Variants in DCBLD2 observed in about 807,000 individuals in gnomAD.
The protein encoded by DCBLD2 is discoidin, CUB and LCCL domain containing 2.
A neutral mutation model predicts 86.8 loss-of-function variants in DCBLD2; 54 were observed. The ratio of observed to expected loss-of-function variants is 0.62; its 90% CI spans 0.50 to 0.78. DCBLD2 has a LOEUF of 0.78. Ranked by LOEUF, DCBLD2 falls within the 30% of genes least tolerant of loss-of-function variation. DCBLD2 has a pLI of 0.00. For synonymous variants in DCBLD2, 354 were observed against 341.3 expected (o/e 1.04, Z -0.41); for missense variants, 908 against 954.2 (o/e 0.95, Z 0.64).
chr3:98,837,895 G>A (rs1942504204), intron 3 of DCBLD2, among the ~76,000 whole-genome samples: 1 of 126,892 alleles, frequency 7.9e-6, no homozygotes, highest in Non-Finnish European at 1.7e-5. Flanking sequence ...CCTCCCGGAT[G>A]GGGCGGCTGG....
intron 1 of DCBLD2, among the ~76,000 whole-genome samples, chr3:98,895,584 A>G (rs1263776937): frequency 1.3e-5 from 2 of 152,120 alleles, no homozygotes; most frequent in Non-Finnish European, 2.9e-5. Flanking sequence ...TACCAATCTA[A>G]AACCACTTTA....
rs1942794942 is a variant in DCBLD2, at chr3:98,849,536, T to A, written c.496A>T (p.Thr166Ser). 1 of 1,613,804 alleles carries A rather than the reference T, an allele frequency of 6.2e-7. No individual in the cohort carries two copies. Among genetic ancestry groups the A allele is most frequent in the African/African-American group, 1.3e-5 (1 of 75,052 alleles). ...TGGATTCCACTCATGAACAGCAATGTGATTTCATTGCCTTTTGATTCAATT... is the reference window on the plus strand; with the variant it reads ...TGGATTCCACTCATGAACAGCAATGAGATTTCATTGCCTTTTGATTCAATT... ...HSIESKGNEITLLFMSGIHVS... is the reference protein window; with the variant it reads ...HSIESKGNEISLLFMSGIHVS... Residue 166 changes from threonine (T) to serine (S), a missense_variant, in exon 3 of 16, where the codon ACA becomes TCA. This residue lies in a region of DCBLD2 where 294 missense variants were observed against 256.0 expected (regional missense o/e 1.15). Transcript: ENST00000326840.
rs1046017363 is a variant in DCBLD2, at chr3:98,901,410, G to A, written c.-84C>T. The A allele has an allele frequency of 8.1e-7, 1 of 1,229,114 alleles. No homozygotes were observed. Among genetic ancestry groups the A allele is most frequent in the Non-Finnish European group, 1.0e-6 (1 of 981,870 alleles). 76.1% of individuals were successfully genotyped at this position (1,229,114 alleles called of 1,614,324 possible). A position where few individuals can be genotyped will look rare whatever the true frequency, so the allele number is the denominator to read the frequency against. ...TGGCCGCGGCACCCGACCAGGAGAC[G>A]GCGGCAGCGGCGGGAGAACAAGAGG... On this transcript the variant is annotated 5_prime_UTR_variant, in exon 1 of 16. Transcript: ENST00000326840.
At position 98,900,917 on chromosome 3, in the gene DCBLD2, C is replaced by CCA. The variant is rs1409340903; in HGVS notation, c.205+203_205+204dup. ...CCTTTCAGAAAAATAAATGGCCTTG[C>CCA]CAAAAAGTAAAGCCGCGCCAACTTG... On this transcript the variant is annotated intron_variant, in intron 1 of 15. Coordinates refer to ENST00000326840, the MANE Select transcript of DCBLD2 (RefSeq NM_080927.4). 4 of 888,574 alleles carry CCA rather than the reference C, an allele frequency of 4.5e-6. No individual in the cohort carries two copies. The African/African-American group carries it at 6.8e-5, about 15-fold the overall frequency. The allele number at this position is 888,574 out of a possible 1,614,324, so 55.0% of individuals were successfully genotyped here. A position where few individuals can be genotyped will look rare whatever the true frequency, so the allele number is the denominator to read the frequency against.
intron 2 of DCBLD2, among the ~76,000 whole-genome samples, chr3:98,858,394 G>A (rs978305312): frequency 5.3e-5 from 8 of 152,370 alleles, no homozygotes; most frequent in African/African-American, 1.9e-4. Context: ...CAGGCTGAAG[G>A]GCTCCTCAAG....
intron 1 of DCBLD2, among the ~76,000 whole-genome samples, chr3:98,888,850 G>A (rs1225523851): frequency 6.6e-6 from 1 of 151,900 alleles, no homozygotes; most frequent in Non-Finnish European, 1.5e-5. Context: ...CTCACTCTCA[G>A]GACCACAACC....
At chr3:98,888,853 C>T (rs1384129557) in intron 1 of DCBLD2, among the ~76,000 whole-genome samples, 4 of 151,996 alleles carry the variant, frequency 2.6e-5, no homozygotes, top group African/African-American at 9.7e-5. Flanking sequence ...ACTCTCAGGA[C>T]CACAACCTGG....
At chr3:98,841,688 C>G (rs542606413) in intron 3 of DCBLD2, among the ~76,000 whole-genome samples, 1 of 152,202 alleles carries the variant, frequency 6.6e-6, no homozygotes, top group African/African-American at 2.4e-5. Flanking sequence ...CATCACTTAC[C>G]ACAATAAGTT....
At chr3:98,839,163 CTTTCTTTCCTTT>C (rs796315203) in intron 3 of DCBLD2, among the ~76,000 whole-genome samples, 9 of 89,606 alleles carry the variant, frequency 1.0e-4, no homozygotes, top group African/African-American at 3.3e-4. Flanking sequence ...TTCTTTCTTT[CTTTCTTTCCTTT>C]CTTTCTTCCT....
At chr3:98,852,338 C>T (rs1942854884) in intron 2 of DCBLD2, among the ~76,000 whole-genome samples, 1 of 151,950 alleles carries the variant, frequency 6.6e-6, no homozygotes, top group South Asian at 2.1e-4. Context: ...CCTCTGCCTC[C>T]CACGTTCAAG....
At chr3:98,893,398 A>G (rs752301406) in intron 1 of DCBLD2, among the ~76,000 whole-genome samples, 9 of 151,636 alleles carry the variant, frequency 5.9e-5, no homozygotes, top group Non-Finnish European at 1.0e-4. Context: ...AAAAAAAAAG[A>G]AACCAATAAT....
chr3:98,802,981 G>C (rs1205888592), intron 13 of DCBLD2, among the ~76,000 whole-genome samples: 1 of 152,150 alleles, frequency 6.6e-6, no homozygotes, highest in Non-Finnish European at 1.5e-5. Context: ...GTCAGGTAAC[G>C]TGATGCCTCC....
intron 2 of DCBLD2, among the ~76,000 whole-genome samples, chr3:98,867,806 T>G (rs9682890): frequency 6.7e-6 from 1 of 149,606 alleles, no homozygotes; most frequent in African/African-American, 2.5e-5. Flanking sequence ...TGTTGTTTTT[T>G]GTTTTTTTTT....
intron 10 of DCBLD2, among the ~76,000 whole-genome samples, chr3:98,811,894 G>C (rs1941945889): frequency 6.6e-6 from 1 of 152,120 alleles, no homozygotes. Context: ...TTTATGGAGG[G>C]CCAACGATGT....
intron 12 of DCBLD2, among the ~76,000 whole-genome samples, chr3:98,808,646 C>CA (rs1158475419): frequency 2.0e-5 from 3 of 151,938 alleles, no homozygotes; most frequent in Non-Finnish European, 4.4e-5. Context: ...ACAACCAACA[C>CA]AAAAAAAGTT....
chr3:98,854,022 T>C (rs1367283925), intron 2 of DCBLD2, among the ~76,000 whole-genome samples: 1 of 152,098 alleles, frequency 6.6e-6, no homozygotes, highest in Non-Finnish European at 1.5e-5. Context: ...AGAGCATCTC[T>C]AGTCTCAAAA....
At chr3:98,825,487 T>A in intron 3 of DCBLD2, 121 bp from the exon 4 acceptor site, 1 of 718,880 alleles carries the variant, frequency 1.4e-6, no homozygotes, top group Non-Finnish European at 2.3e-6. Flanking sequence ...AATGGCACTG[T>A]CAAAGTGGTA....
intron 13 of DCBLD2, among the ~76,000 whole-genome samples, chr3:98,805,714 C>A (rs1206851443): frequency 2.0e-5 from 3 of 152,186 alleles, no homozygotes; most frequent in African/African-American, 7.2e-5. Flanking sequence ...GTCCTTAACG[C>A]CAGGTGTGTG....
chr3:98,884,266 CA>C (rs1943522190), intron 1 of DCBLD2, among the ~76,000 whole-genome samples: 1 of 151,966 alleles, frequency 6.6e-6, no homozygotes. Flanking sequence ...TACTTGCTTT[CA>C]TTTCATACAC....
Sources: allele counts gnomAD v4.1 joint callset (sites outside exome capture counted in the v4.1 genomes callset), GRCh38; gene constraint gnomAD v4.1.1; regional missense constraint gnomAD v4.1.1; transcripts MANE v1.5; gene names NCBI Gene and HGNC (gene_info 2026-07-23, HGNC 2026-07-21).